USH2A: variants seen among roughly 807,000 people sequenced by gnomAD.
The protein encoded by USH2A is Usher syndrome 2A (autosomal recessive, mild).
USH2A carries 443 observed loss-of-function variants against 538.9 expected under a neutral mutation model. That is an observed-to-expected ratio of 0.82 (90% CI 0.76 to 0.89). USH2A has a LOEUF of 0.89. Among genes scored for constraint, USH2A ranks in the 40% least tolerant of loss-of-function variants. USH2A has a pLI of 0.00. For synonymous variants in USH2A, 2,413 were observed against 2,273.5 expected, an observed-to-expected ratio of 1.06 and a Z score of -1.75; for missense variants, 6,633 against 6,324.8, an observed-to-expected ratio of 1.05 and a Z score of -1.65.
intron 9 of USH2A, among the ~76,000 whole-genome samples, chr1:216,304,833 T>A (rs568726576): frequency 6.6e-6 from 1 of 152,032 alleles, no homozygotes; most frequent in African/African-American, 2.4e-5. Context: ...TTTTGAGGGT[T>A]CCTTTTTGAG....
chr1:215,642,473 G>A (rs1241486177), intron 67 of USH2A, among the ~76,000 whole-genome samples: 2 of 152,090 alleles, frequency 1.3e-5, no homozygotes, highest in African/African-American at 4.8e-5. Flanking sequence ...GCTCTCCAGT[G>A]GTGTGCTGAA....
At chr1:216,107,686 CTT>C (rs34087316) in intron 21 of USH2A, among the ~76,000 whole-genome samples, 6 of 142,646 alleles carry the variant, frequency 4.2e-5, no homozygotes, top group Admixed American at 7.0e-5. Context: ...CTTTCTTCTT[CTT>C]TTTTTTTTTT....
At chr1:215,988,051 C>A (rs574256631) in intron 35 of USH2A, among the ~76,000 whole-genome samples, 1 of 151,682 alleles carries the variant, frequency 6.6e-6, no homozygotes, top group Admixed American at 6.6e-5. Flanking sequence ...AAAAGCACAA[C>A]GTAAAATTGG....
chr1:216,084,969 G>C, intron 24 of USH2A, 92 bp from the exon 25 acceptor site: 1 of 1,276,068 alleles, frequency 7.8e-7, no homozygotes, highest in Non-Finnish European at 1.1e-6. Flanking sequence ...AAAGAAATAG[G>C]CACTAGCTCT....
intron 30 of USH2A, among the ~76,000 whole-genome samples, chr1:216,065,181 G>A (rs2031310141): frequency 6.6e-6 from 1 of 152,082 alleles, no homozygotes; most frequent in African/African-American, 2.4e-5. Flanking sequence ...GCCCTACATT[G>A]GTTTACAATC....
intron 32 of USH2A, among the ~76,000 whole-genome samples, chr1:216,002,787 CA>C (rs1219524908): frequency 2.6e-5 from 4 of 152,100 alleles, no homozygotes; most frequent in African/African-American, 9.7e-5. Context: ...TTACTCCATT[CA>C]AAAAGGCCCG....
chr1:216,181,133 A>G (rs1468295185), intron 20 of USH2A, among the ~76,000 whole-genome samples: 1 of 152,130 alleles, frequency 6.6e-6, no homozygotes, highest in African/African-American at 2.4e-5. Flanking sequence ...GGATATTACT[A>G]GAAGATCTGG....
rs984622077 is a variant in USH2A, at chr1:215,625,692, T to C, written c.*89A>G. On this transcript the variant is annotated 3_prime_UTR_variant, in exon 72 of 72. Coordinates refer to ENST00000307340, the MANE Select transcript of USH2A (RefSeq NM_206933.4). ...ATTATAGGATAATAAACAATGGCTT[T>C]TCAGCATTTATGATGTGTGAGTGAT... is the stretch of plus-strand genomic sequence containing the variant. The C allele has an allele frequency of 1.3e-5, 16 of 1,226,070 alleles. No individual in the cohort carries two copies. Among genetic ancestry groups the C allele is most frequent in the Admixed American group, 1.2e-4 (7 of 58,106 alleles). The allele number at this position is 1,226,070 out of a possible 1,614,324, so 75.9% of individuals were successfully genotyped here. A position where few individuals can be genotyped will look rare whatever the true frequency, so the allele number is the denominator to read the frequency against.
chr1:216,015,206 C>T lies in USH2A; in HGVS notation c.6326-14644G>A, dbSNP rs187780764. ...GCTATTTGGTATTCCAACCTGAGAA[C>T]CTCTGCTAGGTTATGGTTCAGTGAG... On this transcript the variant is annotated intron_variant, in intron 32 of 71. Transcript: ENST00000307340. Among the ~76,000 whole-genome samples the T allele has an allele frequency of 4.6e-5, 7 of 152,294 alleles. No homozygotes were observed. In the East Asian group the frequency reaches 1.4e-3, roughly 29 times the overall value.
At chr1:216,207,166 T>C in intron 16 of USH2A, 107 bp downstream of exon 16, 1 of 1,374,920 alleles carries the variant, frequency 7.3e-7, no homozygotes, top group Non-Finnish European at 1.0e-6. Flanking sequence ...AAACACTCTG[T>C]GCCAGACAGA....
chr1:216,282,684 A>G (rs1229257399), intron 11 of USH2A, among the ~76,000 whole-genome samples: 6 of 152,166 alleles, frequency 3.9e-5, no homozygotes, highest in African/African-American at 1.4e-4. Context: ...TTATAAGGTT[A>G]TCTTGGACAT....
chr1:216,274,564 G>A (rs1030175632), intron 11 of USH2A, among the ~76,000 whole-genome samples: 1 of 152,036 alleles, frequency 6.6e-6, no homozygotes, highest in Non-Finnish European at 1.5e-5. Flanking sequence ...GGCTACCTTC[G>A]TAAGGAACTC....
rs745588415 is a variant in USH2A, at chr1:215,675,110, A to C, written c.12801T>G (p.Ser4267=). ...TAGAAACATAGGATATCACAGGTGG[A>C]GAGAGACCTTCTGGAGGTGCTTGCA... ...RTLQAPPEGL[S]PPVISYVSMN... is the part of the protein sequence containing the mutation. Residue 4267 remains serine, a synonymous_variant, in exon 63 of 72, where the codon TCT becomes TCG. Coordinates refer to ENST00000307340, the MANE Select transcript of USH2A (RefSeq NM_206933.4). The C allele has an allele frequency of 3.7e-6, 6 of 1,613,988 alleles. No individual in the cohort carries two copies. In the African/African-American group the frequency reaches 8.0e-5, roughly 22 times the overall value.
intron 60 of USH2A, among the ~76,000 whole-genome samples, chr1:215,736,540 A>T (rs927819806): frequency 2.0e-5 from 3 of 152,076 alleles, no homozygotes; most frequent in Admixed American, 6.6e-5. Context: ...TTAATTCCAT[A>T]TTTAGAAATA....
At chr1:215,677,487 C>T (rs1325045055) in intron 62 of USH2A, among the ~76,000 whole-genome samples, 1 of 152,144 alleles carries the variant, frequency 6.6e-6, no homozygotes, top group African/African-American at 2.4e-5. Context: ...TCCTCCCTTG[C>T]CATTCTCTCC....
chr1:216,112,217 T>A (rs540647694), intron 21 of USH2A, among the ~76,000 whole-genome samples: 1 of 152,288 alleles, frequency 6.6e-6, no homozygotes, highest in African/African-American at 2.4e-5. Context: ...CAAAGTTGTG[T>A]TATCTTATTA....
intron 3 of USH2A, among the ~76,000 whole-genome samples, chr1:216,407,355 T>C (rs552815406): frequency 1.3e-5 from 2 of 152,288 alleles, no homozygotes; most frequent in African/African-American, 4.8e-5. Context: ...GTTAAATAAT[T>C]CTAAAATTAG....
intron 23 of USH2A, among the ~76,000 whole-genome samples, chr1:216,087,923 C>T (rs1279198625): frequency 1.3e-5 from 2 of 152,006 alleles, no homozygotes; most frequent in East Asian, 3.9e-4. Context: ...TAAAGAAAGC[C>T]GTCATATTAT....
At chr1:216,239,241 G>C (rs1039901298) in intron 13 of USH2A, among the ~76,000 whole-genome samples, 6 of 152,038 alleles carry the variant, frequency 3.9e-5, no homozygotes, top group African/African-American at 1.2e-4. Flanking sequence ...ATCTTGTTTT[G>C]TTAAAAAATA....
Sources: allele counts gnomAD v4.1 joint callset (sites outside exome capture counted in the v4.1 genomes callset), GRCh38; gene constraint gnomAD v4.1.1; transcripts MANE v1.5; gene names NCBI Gene and HGNC (gene_info 2026-07-23, HGNC 2026-07-21).